Variants in MECOM observed in about 807,000 individuals in gnomAD.
The protein encoded by MECOM is MDS1 and EVI1 complex locus, also known as histone-lysine N-methyltransferase MECOM.
Under a neutral mutation model 116.3 loss-of-function variants are expected in MECOM, and 13 were observed. That is an observed-to-expected ratio of 0.11 (90% CI 0.07 to 0.18). MECOM has a LOEUF of 0.18. MECOM is among the 10% of genes least tolerant of loss of function. The probability of loss-of-function intolerance (pLI) is 1.00; values close to 1 mark genes in which losing one functional copy is unlikely to be tolerated. For synonymous variants in MECOM, 528 were observed against 535.2 expected (o/e 0.99, Z 0.19); for missense variants, 1,299 against 1,509.0 (o/e 0.86, Z 2.31).
intron 1 of MECOM, among the ~76,000 whole-genome samples, chr3:169,657,967 T>C (rs1775735630): frequency 6.6e-6 from 1 of 152,226 alleles, no homozygotes; most frequent in Non-Finnish European, 1.5e-5. Context: ...TCCCTTCCTG[T>C]CTCCCTCTCT....
intron 2 of MECOM, among the ~76,000 whole-genome samples, chr3:169,336,705 T>C (rs996522327): frequency 1.3e-5 from 2 of 152,130 alleles, no homozygotes; most frequent in African/African-American, 4.8e-5. Flanking sequence ...TAAATGAGAA[T>C]GAACTTTGAC....
At chr3:169,239,590 T>G (rs1029452545) in intron 2 of MECOM, among the ~76,000 whole-genome samples, 2 of 151,942 alleles carry the variant, frequency 1.3e-5, no homozygotes, top group African/African-American at 2.4e-5. Context: ...CAGATGAAAA[T>G]AATATGAGAA....
At chr3:169,331,891 C>T (rs1722783013) in intron 2 of MECOM, among the ~76,000 whole-genome samples, 1 of 151,750 alleles carries the variant, frequency 6.6e-6, no homozygotes, top group South Asian at 2.1e-4. Context: ...TTCTGATTCT[C>T]CAAAAAAGAG....
chr3:169,314,080 T>G (rs1029905867), intron 2 of MECOM, among the ~76,000 whole-genome samples: 6 of 152,254 alleles, frequency 3.9e-5, no homozygotes, highest in African/African-American at 1.4e-4. Context: ...CTGTATGATC[T>G]GCTGTACACA....
chr3:169,144,950 T>C, intron 2 of MECOM: 1 of 1,485,934 alleles, frequency 6.7e-7, no homozygotes, highest in Non-Finnish European at 9.2e-7. Context: ...CAATTTTGCA[T>C]AGAATTCAGG....
intron 1 of MECOM, among the ~76,000 whole-genome samples, chr3:169,401,393 G>C (rs759964994): frequency 6.6e-6 from 1 of 150,438 alleles, no homozygotes; most frequent in Non-Finnish European, 1.5e-5. Flanking sequence ...ACCATTAATC[G>C]TTTATTCATT....
chr3:169,657,741 CT>C (rs1775706080), intron 1 of MECOM, among the ~76,000 whole-genome samples: 1 of 152,220 alleles, frequency 6.6e-6, no homozygotes, highest in Non-Finnish European at 1.5e-5. Flanking sequence ...GTGTGTTTAG[CT>C]TTTTAGTGCT....
At chr3:169,180,794 G>GATATATAGATATATAT (rs10637895) in intron 2 of MECOM, among the ~76,000 whole-genome samples, 6 of 108,718 alleles carry the variant, frequency 5.5e-5, no homozygotes, top group African/African-American at 1.9e-4. Context: ...GTGTGGAGAT[G>GATATATAGATATATAT]ATATATATAT....
intron 2 of MECOM, among the ~76,000 whole-genome samples, chr3:169,354,586 TG>T (rs1726924031): frequency 6.6e-6 from 1 of 151,956 alleles, no homozygotes; most frequent in Admixed American, 6.6e-5. Context: ...ACTTGTATCT[TG>T]GAAATACCAA....
chr3:169,251,605 T>A (rs1284907159), intron 2 of MECOM, among the ~76,000 whole-genome samples: 1 of 152,172 alleles, frequency 6.6e-6, no homozygotes, highest in Non-Finnish European at 1.5e-5. Flanking sequence ...TCATATCCTG[T>A]GTAACCCAGT....
intron 2 of MECOM, among the ~76,000 whole-genome samples, chr3:169,155,219 G>A (rs965565561): frequency 6.6e-6 from 1 of 152,176 alleles, no homozygotes; most frequent in African/African-American, 2.4e-5. Context: ...AGTTGATGCA[G>A]TGATGATTCT....
At chr3:169,599,788 T>C (rs1278777217) in intron 1 of MECOM, among the ~76,000 whole-genome samples, 1 of 152,100 alleles carries the variant, frequency 6.6e-6, no homozygotes, top group Non-Finnish European at 1.5e-5. Context: ...ACATGATAAA[T>C]ATGTTGATTA....
intron 1 of MECOM, among the ~76,000 whole-genome samples, chr3:169,560,087 G>T (rs886997010): frequency 6.6e-6 from 1 of 152,156 alleles, no homozygotes; most frequent in Non-Finnish European, 1.5e-5. Flanking sequence ...GCTCAGGGCA[G>T]CATTTCTACC....
chr3:169,143,897 T>C (rs576335767), intron 2 of MECOM, 65 bp from the exon 3 acceptor site: 213 of 1,450,686 alleles, frequency 1.5e-4, no homozygotes, highest in Non-Finnish European at 1.9e-4. Context: ...TAATCAGTTG[T>C]TTGAAAATAT....
chr3:169,191,091 G>T (rs138837705), intron 2 of MECOM, among the ~76,000 whole-genome samples: 5 of 152,094 alleles, frequency 3.3e-5, no homozygotes, highest in African/African-American at 1.2e-4. Flanking sequence ...CTGGAAGGTA[G>T]CTGTGCTTTA....
chr3:169,658,559 A>G (rs1346991403), intron 1 of MECOM, among the ~76,000 whole-genome samples: 2 of 152,208 alleles, frequency 1.3e-5, no homozygotes, highest in African/African-American at 4.8e-5. Flanking sequence ...CTAGAGAGGG[A>G]AAGAAGAGTT....
chr3:169,631,337 A>G (rs1772056657), intron 1 of MECOM, among the ~76,000 whole-genome samples: 1 of 152,230 alleles, frequency 6.6e-6, no homozygotes, highest in Non-Finnish European at 1.5e-5. Flanking sequence ...ATCTTTTGCT[A>G]TAATAGAGGG....
chr3:169,567,055 C>T (rs926651277), intron 1 of MECOM, among the ~76,000 whole-genome samples: 2 of 152,188 alleles, frequency 1.3e-5, no homozygotes, highest in African/African-American at 2.4e-5. Flanking sequence ...TGGTTTATGT[C>T]GTTGCCTCAA....
chr3:169,116,262 G>A lies in MECOM; in HGVS notation c.1610C>T (p.Ala537Val). 6.2e-7 allele frequency: 1 copy of A among 1,614,154 alleles called. No homozygotes were observed. Residue 537 changes from alanine (A) to valine (V), a missense_variant, in exon 8 of 17, where the codon GCT becomes GTT. This residue lies in a region of MECOM where 238 missense variants were observed against 273.1 expected (regional missense o/e 0.87). Transcript: ENST00000651503. ...TAGTGCCTTCAAAATATCCTGTGTA[G>A]CTGGCAGTATCTGAGGATGTGTCAT... ...PLMTHPQILP[A>V]TQDILKALSK...
Sources: allele counts gnomAD v4.1 joint callset (sites outside exome capture counted in the v4.1 genomes callset), GRCh38; gene constraint gnomAD v4.1.1; regional missense constraint gnomAD v4.1.1; transcripts MANE v1.5; gene names NCBI Gene and HGNC (gene_info 2026-07-23, HGNC 2026-07-21).